PTPRD: variants seen among roughly 807,000 people sequenced by gnomAD.
PTPRD encodes receptor-type tyrosine-protein phosphatase delta.
A neutral mutation model predicts 214.5 loss-of-function variants in PTPRD; 34 were observed. That is an observed-to-expected ratio of 0.16 (90% CI 0.12 to 0.21). The LOEUF is 0.21. PTPRD is among the 10% of genes least tolerant of loss of function. The pLI is 1.00. For missense variants in PTPRD, 2,545 were observed against 2,398.7 expected (o/e 1.06, Z -1.27); for synonymous variants, 1,128 against 845.7 (o/e 1.33, Z -5.79).
At chr9:9,457,955 C>T (rs2093244359) in intron 8 of PTPRD, among the ~76,000 whole-genome samples, 1 of 151,370 alleles carries the variant, frequency 6.6e-6, no homozygotes. Context: ...ATTTAAAATG[C>T]AATTTTGAAG....
At chr9:10,564,168 A>ATTTTT (rs1591017043) in intron 2 of PTPRD, among the ~76,000 whole-genome samples, 5 of 11,854 alleles carry the variant, frequency 4.2e-4, no homozygotes, top group Non-Finnish European at 9.6e-4. Flanking sequence ...ACACTAGGCT[A>ATTTTT]TTCTTTTTTT....
At chr9:9,875,092 T>C (rs2066477499) in intron 5 of PTPRD, among the ~76,000 whole-genome samples, 1 of 152,128 alleles carries the variant, frequency 6.6e-6, no homozygotes, top group Admixed American at 6.6e-5. Flanking sequence ...AGGCTTTTTA[T>C]TGTAATTCTT....
intron 5 of PTPRD, among the ~76,000 whole-genome samples, chr9:9,901,033 G>T (rs1226471664): frequency 6.6e-6 from 1 of 152,116 alleles, no homozygotes; most frequent in Non-Finnish European, 1.5e-5. Context: ...TGACAGTTCT[G>T]CAGGCTGTAC....
chr9:9,436,292 C>T (rs539433536), intron 8 of PTPRD, among the ~76,000 whole-genome samples: 11 of 152,238 alleles, frequency 7.2e-5, no homozygotes, highest in Admixed American at 2.0e-4. Context: ...CACTCTTTCT[C>T]GGTTTCACTC....
Position 8,713,339 on chromosome 9 carries a change from A to C in PTPRD, c.64+20441T>G, listed in dbSNP as rs577546055. ...AAGGCCTCGGGCACACTAAGAGAGT[A>C]CAAAGTAGTGGGTCGCCGCCTGCCC... On this transcript the variant is annotated intron_variant, in intron 12 of 45. Transcript: ENST00000381196. The C allele has an allele frequency of 7.3e-5, 68 of 933,906 alleles. No individual in the cohort carries two copies. The African/African-American group carries it at 1.1e-3, about 15-fold the overall frequency. 57.9% of individuals were successfully genotyped at this position (933,906 alleles called of 1,614,324 possible).
chr9:10,002,247 T>G (rs890462748), intron 4 of PTPRD, among the ~76,000 whole-genome samples: 2 of 148,372 alleles, frequency 1.3e-5, no homozygotes, highest in East Asian at 1.9e-4. Flanking sequence ...TAAAGAAACA[T>G]AGGAACAAAA....
chr9:8,601,233 A>G (rs1215711319), intron 14 of PTPRD, among the ~76,000 whole-genome samples: 2 of 152,162 alleles, frequency 1.3e-5, no homozygotes, highest in African/African-American at 2.4e-5. Context: ...AGCAGACTAG[A>G]ACACCAAGTA....
At chr9:9,977,785 G>T (rs1427760023) in intron 4 of PTPRD, among the ~76,000 whole-genome samples, 1 of 152,066 alleles carries the variant, frequency 6.6e-6, no homozygotes, top group African/African-American at 2.4e-5. Context: ...GGGTTTATTT[G>T]ATTGTGGTTA....
intron 7 of PTPRD, among the ~76,000 whole-genome samples, chr9:9,590,080 A>C (rs1592347096): frequency 6.6e-6 from 1 of 152,076 alleles, no homozygotes; most frequent in Admixed American, 6.6e-5. Flanking sequence ...ATAATAAAAC[A>C]TATAATGTCA....
intron 10 of PTPRD, among the ~76,000 whole-genome samples, chr9:9,043,678 C>T (rs1301974179): frequency 3.3e-5 from 5 of 152,080 alleles, no homozygotes; most frequent in South Asian, 2.1e-4. Flanking sequence ...CCAAGGCAGG[C>T]GGATCACGTG....
intron 3 of PTPRD, among the ~76,000 whole-genome samples, chr9:10,120,067 C>A (rs1591652662): frequency 6.6e-6 from 1 of 151,926 alleles, no homozygotes; most frequent in East Asian, 1.9e-4. Flanking sequence ...CTGCAATAAG[C>A]CACCCAGTGT....
chr9:10,375,412 C>T (rs989293946), intron 2 of PTPRD, among the ~76,000 whole-genome samples: 18 of 151,978 alleles, frequency 1.2e-4, no homozygotes, highest in African/African-American at 4.1e-4. Context: ...ACCTTCATGT[C>T]CTCTGAATTT....
intron 26 of PTPRD, among the ~76,000 whole-genome samples, chr9:8,495,101 T>G (rs537151804): frequency 6.6e-6 from 1 of 152,228 alleles, no homozygotes; most frequent in Non-Finnish European, 1.5e-5. Flanking sequence ...TCCTGATTTA[T>G]TTCCAGCTGT....
chr9:9,711,878 G>T (rs1290291918), intron 7 of PTPRD, among the ~76,000 whole-genome samples: 4 of 152,158 alleles, frequency 2.6e-5, no homozygotes, highest in African/African-American at 7.2e-5. Flanking sequence ...GTCATGGCAT[G>T]ATTTCCTAGC....
At chr9:9,503,769 C>T (rs902510462) in intron 8 of PTPRD, among the ~76,000 whole-genome samples, 7 of 151,616 alleles carry the variant, frequency 4.6e-5, no homozygotes. Flanking sequence ...ACACACATGC[C>T]TATGATTTTA....
intron 3 of PTPRD, among the ~76,000 whole-genome samples, chr9:10,159,695 G>A (rs1265372984): frequency 6.6e-6 from 1 of 151,836 alleles, no homozygotes; most frequent in African/African-American, 2.4e-5. Flanking sequence ...TCTTGGAAGT[G>A]AGAAATATAT....
chr9:8,405,256 GTTAAT>G, intron 35 of PTPRD, among the ~76,000 whole-genome samples: 1 of 152,222 alleles, frequency 6.6e-6, no homozygotes, highest in Admixed American at 6.5e-5. Context: ...AGGGAGGTCA[GTTAAT>G]TTAATACTCA....
intron 10 of PTPRD, among the ~76,000 whole-genome samples, chr9:9,077,932 C>G (rs1057032289): frequency 3.3e-5 from 5 of 152,050 alleles, no homozygotes; most frequent in African/African-American, 9.7e-5. Flanking sequence ...AGCCATTGAG[C>G]ATTTATCTAC....
intron 8 of PTPRD, among the ~76,000 whole-genome samples, chr9:9,430,672 C>A (rs2082737331): frequency 6.6e-6 from 1 of 152,130 alleles, no homozygotes; most frequent in East Asian, 1.9e-4. Flanking sequence ...GCTACAGTAA[C>A]CAAAACAGCA....
Sources: allele counts gnomAD v4.1 joint callset (sites outside exome capture counted in the v4.1 genomes callset), GRCh38; gene constraint gnomAD v4.1.1; transcripts MANE v1.5; gene names NCBI Gene and HGNC (gene_info 2026-07-23, HGNC 2026-07-21).